CCDC172: variants seen among roughly 807,000 people sequenced by gnomAD.
The protein encoded by CCDC172 is coiled-coil domain containing 172.
Under a neutral mutation model 38.0 loss-of-function variants are expected in CCDC172, and 30 were observed. That is an observed-to-expected ratio of 0.79 (90% CI 0.59 to 1.07). The LOEUF (loss-of-function observed/expected upper bound fraction) is 1.07. Ranked by LOEUF, CCDC172 falls within the 50% of genes least tolerant of loss-of-function variation. The pLI, the probability that CCDC172 is intolerant of heterozygous loss-of-function variation, is 0.00. For missense variants in CCDC172, 297 were observed against 290.1 expected, an observed-to-expected ratio of 1.02 and a Z score of -0.17; for synonymous variants, 78 against 88.3, an observed-to-expected ratio of 0.88 and a Z score of 0.66.
intron 3 of CCDC172, among the ~76,000 whole-genome samples, chr10:116,337,095 T>C (rs1844741540): frequency 6.6e-6 from 1 of 150,540 alleles, no homozygotes; most frequent in Admixed American, 6.6e-5. Context: ...GGCACTACTA[T>C]AAATTAGAAT....
At chr10:116,351,834 A>G (rs540222468) in intron 5 of CCDC172, among the ~76,000 whole-genome samples, 37 of 152,350 alleles carry the variant, frequency 2.4e-4, no homozygotes, top group African/African-American at 7.2e-4. Context: ...GAACTTAAGC[A>G]ATGCAAAATG....
Position 116,357,286 on chromosome 10 carries a change from G to A in CCDC172, c.449-94G>A, listed in dbSNP as rs4751960. ...GTGTTGTCTTCACTTTCTTTCATCT[G>A]TGTTTTATAGTTTTTAGTGTACAGG... On this transcript the variant is annotated intron_variant, in intron 5 of 8. Coordinates refer to ENST00000333254, the MANE Select transcript of CCDC172 (RefSeq NM_198515.3). 0.15 allele frequency: 104,921 copies of A among 700,466 alleles called. 12,844 individuals carry two copies. The highest frequency in any genetic ancestry group is 0.47 in the African/African-American group (24,702 of 52,498). The allele number at this position is 700,466 out of a possible 1,614,324, so 43.4% of individuals were successfully genotyped here. A position where few individuals can be genotyped will look rare whatever the true frequency, so the allele number is the denominator to read the frequency against.
At chr10:116,376,990 G>A (rs1032107524) in intron 7 of CCDC172, among the ~76,000 whole-genome samples, 1 of 151,842 alleles carries the variant, frequency 6.6e-6, no homozygotes, top group Admixed American at 6.6e-5. Context: ...GTTCCTTAAA[G>A]TCTCATAAAA....
Position 116,351,927 on chromosome 10 carries a change from A to C in CCDC172, c.449-5453A>C, listed in dbSNP as rs553464010. Among the ~76,000 whole-genome samples, 20 of 152,332 alleles carry C rather than the reference A, an allele frequency of 1.3e-4. 1 individual carries two copies. The South Asian group carries it at 4.1e-3, about 32-fold the overall frequency. On this transcript the variant is annotated intron_variant, in intron 5 of 8. Coordinates refer to ENST00000333254, the MANE Select transcript of CCDC172 (RefSeq NM_198515.3). ...CAGGACAATGTACTTGAGAGGACAG[A>C]TCCACACAGAGAAAAAGCTCTGGAA...
At chr10:116,372,255 A>T (rs1157533889) in intron 7 of CCDC172, among the ~76,000 whole-genome samples, 1 of 152,074 alleles carries the variant, frequency 6.6e-6, no homozygotes. Context: ...ATTTTTAATT[A>T]AAAAATTTTG....
chr10:116,357,340 C>T, intron 5 of CCDC172, 40 bp from the exon 6 acceptor site: 2 of 1,314,186 alleles, frequency 1.5e-6, no homozygotes, highest in African/African-American at 1.6e-5. Flanking sequence ...AAATTTATTT[C>T]TAAGTATTTT....
chr10:116,345,198 A>G (rs535652247), intron 5 of CCDC172, among the ~76,000 whole-genome samples: 2 of 152,228 alleles, frequency 1.3e-5, no homozygotes, highest in African/African-American at 4.8e-5. Context: ...ATAGAAATGC[A>G]TATTGTCAAC....
At chr10:116,337,685 A>C (rs1354935905) in intron 3 of CCDC172, among the ~76,000 whole-genome samples, 5 of 152,300 alleles carry the variant, frequency 3.3e-5, no homozygotes, top group South Asian at 2.1e-4. Context: ...ATATTGCCTC[A>C]GTTCAAACCT....
At chr10:116,330,924 G>C (rs73374917) in intron 3 of CCDC172, among the ~76,000 whole-genome samples, 16,910 of 151,920 alleles carry the variant, frequency 0.11, 1,109 homozygotes, top group East Asian at 0.21. Context: ...TTGTTTTCTA[G>C]AGACAGGGTC....
At chr10:116,337,675 A>G (rs1844748405) in intron 3 of CCDC172, among the ~76,000 whole-genome samples, 1 of 152,152 alleles carries the variant, frequency 6.6e-6, no homozygotes, top group Non-Finnish European at 1.5e-5. Flanking sequence ...TAGATATAAA[A>G]TATTGCCTCA....
intron 3 of CCDC172, among the ~76,000 whole-genome samples, chr10:116,339,503 T>C (rs1440509458): frequency 1.3e-5 from 2 of 151,888 alleles, no homozygotes; most frequent in African/African-American, 4.8e-5. Flanking sequence ...AGAAAAATAC[T>C]AACCACCCTA....
At chr10:116,342,252 T>G in intron 5 of CCDC172, 51 bp downstream of exon 5, 1 of 1,467,508 alleles carries the variant, frequency 6.8e-7, no homozygotes. Context: ...AATAACTTAT[T>G]TTGAATGAAT....
At chr10:116,352,549 T>A (rs774295192) in intron 5 of CCDC172, among the ~76,000 whole-genome samples, 35 of 152,024 alleles carry the variant, frequency 2.3e-4, no homozygotes, top group Non-Finnish European at 4.7e-4. Flanking sequence ...AGAAGAAATA[T>A]TTGACAAAAT....
At chr10:116,351,372 C>T (rs965688087) in intron 5 of CCDC172, among the ~76,000 whole-genome samples, 2 of 152,018 alleles carry the variant, frequency 1.3e-5, no homozygotes, top group Non-Finnish European at 2.9e-5. Flanking sequence ...CTTTCAGTTA[C>T]CTACACTAGT....
At chr10:116,329,376 CA>C (rs1319585227) in intron 3 of CCDC172, among the ~76,000 whole-genome samples, 2 of 152,070 alleles carry the variant, frequency 1.3e-5, no homozygotes, top group Non-Finnish European at 2.9e-5. Flanking sequence ...TCTTTGACCC[CA>C]GGGCCTTTGC....
Position 116,341,907 on chromosome 10 carries a change from C to T in CCDC172, c.283-129C>T, listed in dbSNP as rs894994195. 6.7e-6 allele frequency: 4 copies of T among 596,346 alleles called. No individual in the cohort carries two copies. The South Asian group carries it at 2.7e-4, about 41-fold the overall frequency. The allele number at this position is 596,346 out of a possible 1,614,324, so 36.9% of individuals were successfully genotyped here. ...TTACTATGAGAAAAAAACATTTTTG[C>T]CATAAAACCAGGAAGTGTAACTATA... On this transcript the variant is annotated intron_variant, in intron 4 of 8. Coordinates refer to ENST00000333254, the MANE Select transcript of CCDC172 (RefSeq NM_198515.3).
At chr10:116,345,690 A>G (rs1462403998) in intron 5 of CCDC172, among the ~76,000 whole-genome samples, 1 of 152,088 alleles carries the variant, frequency 6.6e-6, no homozygotes, top group East Asian at 1.9e-4. Flanking sequence ...GCCAATGAAC[A>G]TGTGAAAAGA....
At chr10:116,366,144 A>C (rs1472281194) in intron 7 of CCDC172, among the ~76,000 whole-genome samples, 1 of 152,250 alleles carries the variant, frequency 6.6e-6, no homozygotes, top group South Asian at 2.1e-4. Context: ...TGTAATTTCT[A>C]AAGTATACTA....
intron 3 of CCDC172, among the ~76,000 whole-genome samples, chr10:116,333,015 G>A (rs1207371381): frequency 6.6e-6 from 1 of 151,940 alleles, no homozygotes; most frequent in African/African-American, 2.4e-5. Flanking sequence ...ATTTCAGCTT[G>A]TTCTGTTTTT....
Sources: gnomAD v4.1 joint callset for allele counts (sites outside exome capture counted in the v4.1 genomes callset) on GRCh38, gnomAD v4.1.1 for gene constraint, MANE v1.5 for transcripts, NCBI Gene and HGNC (gene_info 2026-07-23, HGNC 2026-07-21) for gene names.